The following ADAM17 variants were observed in gnomAD, a reference collection of about 807,000 sequenced individuals.
ADAM17 encodes disintegrin and metalloproteinase domain-containing protein 17.
ADAM17 carries 39 observed loss-of-function variants against 96.7 expected under a neutral mutation model. The ratio of observed to expected loss-of-function variants is 0.40; its 90% CI spans 0.31 to 0.53. ADAM17 has a LOEUF of 0.53. Ranked by LOEUF, ADAM17 falls within the 20% of genes least tolerant of loss-of-function variation. The pLI is 0.44. For synonymous variants in ADAM17, 344 were observed against 359.2 expected, an observed-to-expected ratio of 0.96 and a Z score of 0.48; for missense variants, 777 against 1,013.2, an observed-to-expected ratio of 0.77 and a Z score of 3.17.
intron 1 of ADAM17, among the ~76,000 whole-genome samples, chr2:9,549,182 C>A (rs945624613): frequency 6.6e-6 from 1 of 152,052 alleles, no homozygotes; most frequent in Non-Finnish European, 1.5e-5. Context: ...ACCAGCCTGG[C>A]CAACATGGTA....
At chr2:9,518,900 G>T (rs967176428) in intron 8 of ADAM17, among the ~76,000 whole-genome samples, 1 of 151,496 alleles carries the variant, frequency 6.6e-6, no homozygotes, top group Non-Finnish European at 1.5e-5. Flanking sequence ...TTAATTTGGG[G>T]GGGGGGTTTG....
intron 4 of ADAM17, among the ~76,000 whole-genome samples, chr2:9,533,423 T>C (rs979109489): frequency 1.3e-5 from 2 of 151,948 alleles, no homozygotes; most frequent in South Asian, 2.1e-4. Context: ...GGTGCGCACC[T>C]GTAATCCCAG....
At chr2:9,540,626 A>G (rs942269882) in intron 2 of ADAM17, among the ~76,000 whole-genome samples, 2 of 152,196 alleles carry the variant, frequency 1.3e-5, no homozygotes, top group Non-Finnish European at 2.9e-5. Context: ...GGAAAAATTA[A>G]TTTGCATTAA....
At chr2:9,531,910 A>C (rs1307715142) in intron 4 of ADAM17, among the ~76,000 whole-genome samples, 1 of 152,208 alleles carries the variant, frequency 6.6e-6, no homozygotes, top group Admixed American at 6.5e-5. Flanking sequence ...CAGCCTGGGC[A>C]ACACAGTGAG....
Position 9,490,221 on chromosome 2 carries a change from G to GTTTAAA in ADAM17, c.2425_2430dup (p.Phe809_Lys810dup). 1 of 1,606,314 alleles carries GTTTAAA rather than the reference G, an allele frequency of 6.2e-7. No individual in the cohort carries two copies. The highest frequency in any genetic ancestry group is 1.1e-5 in the South Asian group (1 of 90,984). Reference sequence around the variant, plus strand: ...CTGTCAACACGATTCTGACGCTGCAGTTTAAAGGAGGCAGCCTTTTCACTT... The same window carrying GTTTAAA: ...CTGTCAACACGATTCTGACGCTGCAGTTTAAATTTAAAGGAGGCAGCCTTTTCACTT... On this transcript the variant is annotated inframe_insertion, in exon 19 of 19. Coordinates refer to ENST00000310823, the MANE Select transcript of ADAM17 (RefSeq NM_003183.6).
chr2:9,499,025 G>C (rs1478887897), intron 13 of ADAM17, among the ~76,000 whole-genome samples: 1 of 152,002 alleles, frequency 6.6e-6, no homozygotes, highest in Non-Finnish European at 1.5e-5. Context: ...TCCAGGGAGG[G>C]GACTGACAAT....
chr2:9,514,561 ATATAT>A (rs1663949417), intron 10 of ADAM17, among the ~76,000 whole-genome samples: 3 of 98,850 alleles, frequency 3.0e-5, no homozygotes, highest in African/African-American at 1.1e-4. Flanking sequence ...ATATATATAT[ATATAT>A]ATAAATAAAA....
intron 1 of ADAM17, among the ~76,000 whole-genome samples, chr2:9,548,207 G>A (rs571563366): frequency 2.0e-5 from 3 of 152,068 alleles, no homozygotes; most frequent in East Asian, 3.9e-4. Context: ...TAGCAGGTGC[G>A]TATAATCTCA....
intron 10 of ADAM17, among the ~76,000 whole-genome samples, chr2:9,514,237 T>C (rs2125013446): frequency 6.6e-6 from 1 of 150,574 alleles, no homozygotes; most frequent in East Asian, 2.0e-4. Context: ...AAACCATCAT[T>C]CTCAGCAAAC....
chr2:9,531,765 T>G (rs1447244870), intron 4 of ADAM17, among the ~76,000 whole-genome samples: 1 of 151,888 alleles, frequency 6.6e-6, no homozygotes. Flanking sequence ...CAGGATTATT[T>G]ATATAAATAG....
chr2:9,537,905 GA>G (rs1665035080), intron 2 of ADAM17, among the ~76,000 whole-genome samples: 5 of 53,274 alleles, frequency 9.4e-5, no homozygotes, highest in Non-Finnish European at 2.1e-4. Flanking sequence ...GGGAGGGGAG[GA>G]GAGGGGGAGG....
At chr2:9,548,925 C>T (rs1338364238) in intron 1 of ADAM17, among the ~76,000 whole-genome samples, 1 of 152,198 alleles carries the variant, frequency 6.6e-6, no homozygotes, top group African/African-American at 2.4e-5. Context: ...AAACCTTCCA[C>T]TCTCCCACTT....
rs889062988 is a variant in ADAM17, at chr2:9,490,461, G to A, written c.2191C>T (p.Pro731Ser). The A allele has an allele frequency of 2.5e-6, 4 of 1,613,952 alleles. No individual in the cohort carries two copies. In the Admixed American group the frequency reaches 5.0e-5, roughly 20 times the overall value. Residue 731 changes from proline to serine, a missense_variant, in exon 19 of 19, where the codon CCT (proline) becomes TCT (serine). Around this residue, in one of 3 missense-constraint regions of ADAM17, gnomAD observed 197 missense variants for 219.4 expected, o/e 0.90. Transcript: ENST00000310823. ...AGGCGGCCTGGAGTCTGGGGCGCAG[G>A]AAAGGGTTTGATAATGCGAACCGAT... ...SASVRIIKPF[P>S]APQTPGRLQP...
intron 2 of ADAM17, among the ~76,000 whole-genome samples, chr2:9,542,632 A>G (rs545599252): frequency 6.7e-6 from 1 of 149,776 alleles, no homozygotes; most frequent in East Asian, 1.9e-4. Context: ...CATCGTTACC[A>G]TCATTAACAC....
At chr2:9,539,352 T>C (rs1254982272) in intron 2 of ADAM17, among the ~76,000 whole-genome samples, 1 of 152,242 alleles carries the variant, frequency 6.6e-6, no homozygotes, top group South Asian at 2.1e-4. Flanking sequence ...CATGACCTCA[T>C]GATCCATCCA....
chr2:9,525,149 T>C (rs899204694), intron 6 of ADAM17, among the ~76,000 whole-genome samples: 1 of 152,012 alleles, frequency 6.6e-6, no homozygotes, highest in African/African-American at 2.4e-5. Context: ...TCACTTGATA[T>C]GGGGCCGAGT....
intron 2 of ADAM17, among the ~76,000 whole-genome samples, chr2:9,538,155 G>A (rs1665065942): frequency 6.6e-6 from 1 of 152,154 alleles, no homozygotes; most frequent in African/African-American, 2.4e-5. Flanking sequence ...TAGGAGTGGT[G>A]AGCAAGACTT....
Position 9,493,808 on chromosome 2 carries a change from T to C in ADAM17, c.1932A>G (p.Arg644=), listed in dbSNP as rs756119780. ...FCDMNGKCEK[R]VQDVIERFWD... is the part of the protein sequence containing the mutation. ...AAAATCGTTCAATTACATCCTGTAC[T>C]CGTTTCTCACATTTGCCCTATGAAG... is the stretch of plus-strand genomic sequence containing the variant. Residue 644 remains arginine (R), a synonymous_variant, in exon 16 of 19, where the codon CGA becomes CGG. Transcript: ENST00000310823. 1 of 1,613,994 alleles carries C rather than the reference T, an allele frequency of 6.2e-7. No homozygotes were observed. Among genetic ancestry groups the C allele is most frequent in the South Asian group, 1.1e-5 (1 of 91,062 alleles).
chr2:9,502,380 A>G (rs1572898413), intron 12 of ADAM17, 104 bp from the exon 13 acceptor site: 2 of 978,678 alleles, frequency 2.0e-6, no homozygotes, highest in East Asian at 4.9e-5. Context: ...ACCGGGGAAG[A>G]CCTCCTGGCT....
Sources: gnomAD v4.1 joint callset for allele counts (sites outside exome capture counted in the v4.1 genomes callset) on GRCh38, gnomAD v4.1.1 for gene constraint, gnomAD v4.1.1 regional missense constraint, MANE v1.5 for transcripts, NCBI Gene and HGNC (gene_info 2026-07-23, HGNC 2026-07-21) for gene names.